AFG2A: variants seen among roughly 807,000 people sequenced by gnomAD.
The protein encoded by AFG2A is AAA ATPase AFG2A.
chr4:123,202,220 G>A, the AFG2A span, among the ~76,000 whole-genome samples: 1 of 152,004 alleles, frequency 6.6e-6, no homozygotes, highest in Admixed American at 6.6e-5. Context: ...GTTTAAGAAA[G>A]GTAAGTAAAT....
At chr4:123,016,442 C>T in the AFG2A span, among the ~76,000 whole-genome samples, 38 of 150,610 alleles carry the variant, frequency 2.5e-4, no homozygotes, top group East Asian at 1.6e-3. Context: ...ACCTCCCAGA[C>T]GGGGTCGCGG....
At chr4:123,221,134 A>C in the AFG2A span, among the ~76,000 whole-genome samples, 1 of 151,988 alleles carries the variant, frequency 6.6e-6, no homozygotes, top group South Asian at 2.1e-4. Context: ...GGCTTTTCCA[A>C]ATGGAGATGT....
the AFG2A span, among the ~76,000 whole-genome samples, chr4:123,014,605 A>G: frequency 1.3e-5 from 2 of 152,184 alleles, no homozygotes; most frequent in Admixed American, 1.3e-4. Flanking sequence ...TAATGTAATT[A>G]TATTTTAGAA....
chr4:123,226,744 T>G, the AFG2A span, among the ~76,000 whole-genome samples: 2 of 152,240 alleles, frequency 1.3e-5, no homozygotes, highest in African/African-American at 2.4e-5. Context: ...TAGGAAGGAT[T>G]CCCTCTCTTC....
the AFG2A span, among the ~76,000 whole-genome samples, chr4:123,130,940 CTTTAGT>C: frequency 5.1e-4 from 75 of 148,242 alleles, no homozygotes; most frequent in South Asian, 0.015. Flanking sequence ...TTTTTTTTTT[CTTTAGT>C]TTTAATCATT....
chr4:123,006,410 C>G, the AFG2A span, among the ~76,000 whole-genome samples: 1 of 151,736 alleles, frequency 6.6e-6, no homozygotes, highest in Non-Finnish European at 1.5e-5. Flanking sequence ...GTTTATTCAT[C>G]TTGTATATTT....
At chr4:123,261,881 G>A in the AFG2A span, among the ~76,000 whole-genome samples, 1 of 152,132 alleles carries the variant, frequency 6.6e-6, no homozygotes, top group African/African-American at 2.4e-5. Context: ...CTGGGCTCAA[G>A]TGGTCCTCCT....
the AFG2A span, among the ~76,000 whole-genome samples, chr4:123,156,479 G>A: frequency 6.6e-6 from 1 of 152,062 alleles, no homozygotes; most frequent in Non-Finnish European, 1.5e-5. Flanking sequence ...TCAGGAAAAT[G>A]TGCCAAAAAG....
the AFG2A span, among the ~76,000 whole-genome samples, chr4:123,071,103 G>A: frequency 1.5e-3 from 232 of 152,274 alleles, 2 homozygotes; most frequent in African/African-American, 5.4e-3. Flanking sequence ...TGATATCAGT[G>A]CCTGCAGGTT....
At chr4:123,013,029 C>A in the AFG2A span, among the ~76,000 whole-genome samples, 1 of 151,976 alleles carries the variant, frequency 6.6e-6, no homozygotes, top group Non-Finnish European at 1.5e-5. Context: ...TGGGTGTCGG[C>A]GGGCTGAGTC....
chr4:123,308,564 A>T, the AFG2A span, among the ~76,000 whole-genome samples: 1 of 152,146 alleles, frequency 6.6e-6, no homozygotes, highest in Admixed American at 6.5e-5. Context: ...TGCACTCCTT[A>T]TGAGAGTCTA....
chr4:123,206,860 G>A, the AFG2A span, among the ~76,000 whole-genome samples: 1 of 152,102 alleles, frequency 6.6e-6, no homozygotes, highest in South Asian at 2.1e-4. Flanking sequence ...CTGATATCAG[G>A]ATTTGCTGCA....
At chr4:123,085,020 T>A in the AFG2A span, among the ~76,000 whole-genome samples, 1 of 152,060 alleles carries the variant, frequency 6.6e-6, no homozygotes, top group Non-Finnish European at 1.5e-5. Flanking sequence ...TTTTGGAATT[T>A]TTTTTTTTTA....
At chr4:123,003,625 T>A in the AFG2A span, among the ~76,000 whole-genome samples, 1 of 152,154 alleles carries the variant, frequency 6.6e-6, no homozygotes, top group East Asian at 1.9e-4. Flanking sequence ...CCGTGCATTT[T>A]CATGATCTGC....
chr4:123,170,678 ATATT>A, the AFG2A span, among the ~76,000 whole-genome samples: 2 of 152,174 alleles, frequency 1.3e-5, no homozygotes, highest in Non-Finnish European at 2.9e-5. Context: ...CATCGTATTA[ATATT>A]TAGTCTGATT....
At chr4:123,163,353 T>C in the AFG2A span, among the ~76,000 whole-genome samples, 1 of 152,134 alleles carries the variant, frequency 6.6e-6, no homozygotes, top group African/African-American at 2.4e-5. Flanking sequence ...GGAGAATTGC[T>C]TGAACCGGGA....
the AFG2A span, among the ~76,000 whole-genome samples, chr4:122,987,963 G>C: frequency 6.6e-6 from 1 of 151,770 alleles, no homozygotes; most frequent in Non-Finnish European, 1.5e-5. Context: ...TGATGAACTG[G>C]CTCTAGTGGT....
chr4:122,978,393 A>T, the AFG2A span, among the ~76,000 whole-genome samples: 1 of 152,336 alleles, frequency 6.6e-6, no homozygotes, highest in Admixed American at 6.5e-5. Context: ...TAGTCCTGAC[A>T]TCCCAGTGAG....
At chr4:122,955,950 C>T in the AFG2A span, among the ~76,000 whole-genome samples, 7 of 152,132 alleles carry the variant, frequency 4.6e-5, no homozygotes, top group Non-Finnish European at 4.4e-5. Context: ...CAGTAGATAG[C>T]TTTGCTTCTT....
Sources: allele counts gnomAD v4.1 joint callset (sites outside exome capture counted in the v4.1 genomes callset), GRCh38; gene constraint gnomAD v4.1.1; transcripts MANE v1.5; gene names NCBI Gene and HGNC (gene_info 2026-07-23, HGNC 2026-07-21).